The following GMPR variants were observed in gnomAD, a reference collection of about 807,000 sequenced individuals.
The protein encoded by GMPR is GMP reductase 1.
Under a neutral mutation model 38.4 loss-of-function variants are expected in GMPR, and 31 were observed. That is an observed-to-expected ratio of 0.81 (90% CI 0.61 to 1.09). The LOEUF is 1.09. Ranked by LOEUF, GMPR falls within the 50% of genes least tolerant of loss-of-function variation. The probability of loss-of-function intolerance (pLI) is 0.00; values close to 1 mark genes in which losing one functional copy is unlikely to be tolerated. For synonymous variants in GMPR, 162 were observed against 173.3 expected, an observed-to-expected ratio of 0.93 and a Z score of 0.51; for missense variants, 468 against 453.7, an observed-to-expected ratio of 1.03 and a Z score of -0.29.
At chr6:16,286,589 TTC>T (rs956031359) in intron 7 of GMPR, among the ~76,000 whole-genome samples, 14 of 152,092 alleles carry the variant, frequency 9.2e-5, no homozygotes, top group South Asian at 6.2e-4. Context: ...GTCATAGGAA[TTC>T]TGTTTTTTTG....
chr6:16,275,567 A>G (rs1227395469), intron 5 of GMPR, among the ~76,000 whole-genome samples: 1 of 152,046 alleles, frequency 6.6e-6, no homozygotes. Flanking sequence ...ATTCTGAGCA[A>G]ATGGGAAGAG....
intron 8 of GMPR, among the ~76,000 whole-genome samples, chr6:16,294,389 T>C (rs1335916721): frequency 6.6e-6 from 1 of 152,218 alleles, no homozygotes; most frequent in Non-Finnish European, 1.5e-5. Flanking sequence ...GAAATCACCT[T>C]GCTGGTGATT....
Position 16,248,159 on chromosome 6 carries a change from G to A in GMPR, c.207+1198G>A, listed in dbSNP as rs1758796167. The stretch of plus-strand genomic sequence containing the variant: ...GGTGGGAAGATCACTTGAGCTGGGA[G>A]GCGGAGGTTGCAGTGAGCCAAGATT... On this transcript the variant is annotated intron_variant, in intron 2 of 8. Transcript: ENST00000259727. 2.0e-5 allele frequency among the ~76,000 whole-genome samples: 3 copies of A among 149,854 alleles called. No individual in the cohort carries two copies. In the Admixed American group the frequency reaches 2.0e-4, roughly 10 times the overall value.
chr6:16,250,958 G>A (rs955800188), intron 3 of GMPR, among the ~76,000 whole-genome samples: 2 of 152,122 alleles, frequency 1.3e-5, no homozygotes, highest in African/African-American at 4.8e-5. Flanking sequence ...GGAAAATGGT[G>A]CAGCTGCTTT....
chr6:16,256,979 C>G (rs1459999205), intron 4 of GMPR, among the ~76,000 whole-genome samples: 1 of 152,150 alleles, frequency 6.6e-6, no homozygotes, highest in African/African-American at 2.4e-5. Context: ...CTTGGGATTT[C>G]CTGGGTGATA....
chr6:16,245,826 T>C (rs1758740863), intron 1 of GMPR, among the ~76,000 whole-genome samples: 1 of 152,120 alleles, frequency 6.6e-6, no homozygotes, highest in Admixed American at 6.5e-5. Context: ...GAACAAGGAA[T>C]ACGCAGGCCT....
intron 3 of GMPR, 87 bp downstream of exon 3, chr6:16,250,454 A>C: frequency 1.2e-6 from 1 of 810,686 alleles, no homozygotes. Context: ...AGTCAGTAGC[A>C]GAGAGACATT....
chr6:16,270,642 G>C (rs1264532848), intron 4 of GMPR, among the ~76,000 whole-genome samples: 1 of 152,122 alleles, frequency 6.6e-6, no homozygotes, highest in African/African-American at 2.4e-5. Flanking sequence ...TGCCCTTCTT[G>C]ATTTCAAACT....
Position 16,266,759 on chromosome 6 carries a change from C to G in GMPR, c.466-7656C>G, listed in dbSNP as rs910887387. Among the ~76,000 whole-genome samples, 6 of 151,474 alleles carry G rather than the reference C, an allele frequency of 4.0e-5. No homozygotes were observed. In the East Asian group the frequency reaches 1.2e-3, roughly 30 times the overall value. On this transcript the variant is annotated intron_variant, in intron 4 of 8. Transcript: ENST00000259727. ...CTGGGAGGGGGAGCTTGACGGCACT[C>G]CGGCCTAGGTGAGAGCGAGACTCCG... is the stretch of plus-strand genomic sequence containing the variant.
chr6:16,240,461 G>A (rs762989166), intron 1 of GMPR, among the ~76,000 whole-genome samples: 3 of 152,128 alleles, frequency 2.0e-5, no homozygotes, highest in Non-Finnish European at 2.9e-5. Context: ...TTGAGCCCAC[G>A]AGCTGGAGAT....
chr6:16,278,772 TTCTC>T lies in GMPR; in HGVS notation c.548-10_548-7del. 1 of 1,590,136 alleles carries T rather than the reference TTCTC, an allele frequency of 6.3e-7. No homozygotes were observed. The highest frequency in any genetic ancestry group is 1.7e-4 in the Middle Eastern group (1 of 6,010). On this transcript the variant is annotated splice_polypyrimidine_tract_variant and splice_region_variant and intron_variant, in intron 5 of 8. Coordinates refer to ENST00000259727, the MANE Select transcript of GMPR (RefSeq NM_006877.4). ...AACCATCTATTTGGGGACAACTTCT[TTCTC>T]TGTGCAGGTTCTGTGTGCACCACCC...
In GMPR at chr6:16,277,046, T is replaced by A. The variant is rs911103816; in HGVS notation, c.548-1738T>A. Among the ~76,000 whole-genome samples the A allele has an allele frequency of 1.5e-4, 23 of 151,960 alleles. 1 individual carries two copies. The highest frequency in any genetic ancestry group is 5.3e-4 in the African/African-American group (22 of 41,384). On this transcript the variant is annotated intron_variant, in intron 5 of 8. Transcript: ENST00000259727. ...GGCCCCCACCCCCGGATCTAGCAAT[T>A]CAATGGGAGAGGAGGAGAAAAGCTG...
intron 1 of GMPR, among the ~76,000 whole-genome samples, 195 bp downstream of exon 1, chr6:16,238,975 A>T (rs867047391): frequency 6.6e-6 from 1 of 152,084 alleles, no homozygotes. Context: ...ACGGGGGCCC[A>T]TGAAATTCTC....
chr6:16,266,979 C>T (rs552946930), intron 4 of GMPR, among the ~76,000 whole-genome samples: 2 of 151,608 alleles, frequency 1.3e-5, no homozygotes, highest in Admixed American at 6.6e-5. Context: ...CATGAACCCA[C>T]GAGGAGGAAC....
chr6:16,282,681 T>C (rs1759596419), intron 6 of GMPR, among the ~76,000 whole-genome samples: 1 of 152,238 alleles, frequency 6.6e-6, no homozygotes, highest in African/African-American at 2.4e-5. Context: ...TGATTTGAAC[T>C]CCTTTCTCTG....
At chr6:16,256,110 G>C (rs1561822058) in intron 4 of GMPR, among the ~76,000 whole-genome samples, 1 of 151,858 alleles carries the variant, frequency 6.6e-6, no homozygotes. Flanking sequence ...CAGCTACTTA[G>C]GAGGCTGAGG....
At chr6:16,283,173 G>C (rs965309090) in intron 6 of GMPR, among the ~76,000 whole-genome samples, 15 of 152,186 alleles carry the variant, frequency 9.9e-5, no homozygotes, top group African/African-American at 3.6e-4. Flanking sequence ...TTCATGTCCT[G>C]TGATGCCATT....
rs537099824 is a variant in GMPR, at chr6:16,268,851, ACTT to A, written c.466-5563_466-5561del. On this transcript the variant is annotated intron_variant, in intron 4 of 8. Transcript: ENST00000259727. ...ATGCCACTGAACTGTACACCTAAAA[ACTT>A]ATTTACTAACAAATTTTATATTACA... 5.6e-3 allele frequency among the ~76,000 whole-genome samples: 847 copies of A among 152,038 alleles called. 9 individuals are homozygous for A. Among genetic ancestry groups the A allele is most frequent in the African/African-American group, 0.019 (802 of 41,528 alleles).
chr6:16,260,427 A>C (rs1218018388), intron 4 of GMPR, among the ~76,000 whole-genome samples: 31 of 152,086 alleles, frequency 2.0e-4, no homozygotes, highest in African/African-American at 6.5e-4. Context: ...AAAGGCCTGT[A>C]CTTATCCAGT....
Sources: gnomAD v4.1 joint callset for allele counts (sites outside exome capture counted in the v4.1 genomes callset) on GRCh38, gnomAD v4.1.1 for gene constraint, MANE v1.5 for transcripts, NCBI Gene and HGNC (gene_info 2026-07-23, HGNC 2026-07-21) for gene names.